DPP10: variants seen among roughly 807,000 people sequenced by gnomAD.
DPP10 encodes inactive dipeptidyl peptidase 10.
DPP10 carries 33 observed loss-of-function variants against 120.9 expected under a neutral mutation model. The observed-to-expected ratio is 0.27, with a 90% confidence interval of 0.21 to 0.37. DPP10 has a LOEUF of 0.37. Ranked by LOEUF, DPP10 falls within the 10% of genes least tolerant of loss-of-function variation. The probability of loss-of-function intolerance (pLI) is 1.00; values close to 1 mark genes in which losing one functional copy is unlikely to be tolerated. For synonymous variants in DPP10, 337 were observed against 326.1 expected (o/e 1.03, Z -0.36); for missense variants, 816 against 942.8 (o/e 0.87, Z 1.76).
intron 3 of DPP10, among the ~76,000 whole-genome samples, chr2:115,447,718 T>C (rs1466763443): frequency 1.3e-5 from 2 of 152,202 alleles, no homozygotes; most frequent in Non-Finnish European, 2.9e-5. Flanking sequence ...TCTTCTGCCA[T>C]GATTGTAAGT....
chr2:115,102,994 CTTG>C (rs956410321), intron 1 of DPP10, among the ~76,000 whole-genome samples: 1 of 152,020 alleles, frequency 6.6e-6, no homozygotes, highest in African/African-American at 2.4e-5. Context: ...TCCTATAGTT[CTTG>C]TTATGTTAGA....
At chr2:114,966,565 T>C (rs1699045911) in intron 1 of DPP10, among the ~76,000 whole-genome samples, 1 of 152,124 alleles carries the variant, frequency 6.6e-6, no homozygotes, top group Non-Finnish European at 1.5e-5. Flanking sequence ...TTTCCATCCA[T>C]TAGATTCATG....
At chr2:115,055,940 C>G (rs1342359600) in intron 1 of DPP10, among the ~76,000 whole-genome samples, 1 of 151,700 alleles carries the variant, frequency 6.6e-6, no homozygotes, top group Admixed American at 6.6e-5. Context: ...AATCATGCAG[C>G]ATGTAAAACA....
chr2:114,546,587 T>C (rs572751888), intron 1 of DPP10, among the ~76,000 whole-genome samples: 1 of 152,344 alleles, frequency 6.6e-6, no homozygotes, highest in Admixed American at 6.5e-5. Flanking sequence ...GAAATGTTTT[T>C]CTGGTCTGAA....
chr2:114,514,768 TG>T lies in DPP10; in HGVS notation c.60+71932del, dbSNP rs201270320. ...ATAACTGGGAAAGATCTTTTTTTTC[TG>T]GTTTTTTTTTTTGTTCCTTTTTTTT... On this transcript the variant is annotated intron_variant, in intron 1 of 25. Transcript: ENST00000410059. Among the ~76,000 whole-genome samples, 849 of 145,010 alleles carry T rather than the reference TG, an allele frequency of 5.9e-3. 6 individuals are homozygous for T. The highest frequency in any genetic ancestry group is 0.018 in the African/African-American group (718 of 39,180).
chr2:114,586,407 G>A (rs939366582), intron 1 of DPP10, among the ~76,000 whole-genome samples: 1 of 152,132 alleles, frequency 6.6e-6, no homozygotes, highest in Non-Finnish European at 1.5e-5. Context: ...CCTGCGTCAC[G>A]TCTTACTCAC....
intron 5 of DPP10, among the ~76,000 whole-genome samples, chr2:115,661,080 G>C (rs959325047): frequency 2.0e-5 from 3 of 151,922 alleles, no homozygotes; most frequent in Non-Finnish European, 4.4e-5. Flanking sequence ...CTCCCGAGTA[G>C]CTGGGATTAC....
intron 2 of DPP10, among the ~76,000 whole-genome samples, chr2:115,326,215 G>A (rs1004366208): frequency 6.6e-6 from 1 of 152,032 alleles, no homozygotes; most frequent in African/African-American, 2.4e-5. Context: ...GTCAATGACA[G>A]ACTTCATATA....
chr2:115,657,643 T>G (rs750423658), intron 5 of DPP10, among the ~76,000 whole-genome samples: 1 of 151,706 alleles, frequency 6.6e-6, no homozygotes, highest in South Asian at 2.1e-4. Context: ...TGTGAGTGTG[T>G]GTAGAAAAAA....
chr2:115,587,077 T>C (rs2082331448), intron 5 of DPP10, among the ~76,000 whole-genome samples: 1 of 145,866 alleles, frequency 6.9e-6, no homozygotes, highest in Admixed American at 7.2e-5. Flanking sequence ...TTCTTTTCTT[T>C]TTTTTCTCTT....
At chr2:115,733,342 G>A (rs2092955469) in intron 8 of DPP10, among the ~76,000 whole-genome samples, 1 of 152,156 alleles carries the variant, frequency 6.6e-6, no homozygotes, top group Admixed American at 6.5e-5. Flanking sequence ...CTATGGGGCT[G>A]CAGCATGGGA....
At chr2:114,898,386 A>G (rs1455379031) in intron 1 of DPP10, among the ~76,000 whole-genome samples, 1 of 152,152 alleles carries the variant, frequency 6.6e-6, no homozygotes, top group Non-Finnish European at 1.5e-5. Context: ...TTTAGGAGAT[A>G]TACCTAATGC....
In DPP10 at chr2:115,203,864, G is replaced by T. The variant is rs141635215; in HGVS notation, c.61-105375G>T. ...TTCAATCAAAATTCTTTCCCTCCAT[G>T]GAGAGGTTTCCCTAACAATAGACTT... On this transcript the variant is annotated intron_variant, in intron 1 of 25. Transcript: ENST00000410059. Among the ~76,000 whole-genome samples the T allele has an allele frequency of 8.6e-3, 1,312 of 152,102 alleles. 13 individuals are homozygous for T. Among genetic ancestry groups the T allele is most frequent in the Middle Eastern group, 0.027 (8 of 294 alleles).
At chr2:115,209,657 A>C (rs2056379262) in intron 1 of DPP10, among the ~76,000 whole-genome samples, 1 of 152,182 alleles carries the variant, frequency 6.6e-6, no homozygotes, top group Admixed American at 6.5e-5. Flanking sequence ...GCAGGCAAAC[A>C]AACCTCTGGG....
intron 21 of DPP10, among the ~76,000 whole-genome samples, chr2:115,816,457 C>G (rs975714614): frequency 2.6e-5 from 4 of 152,132 alleles, no homozygotes; most frequent in Non-Finnish European, 5.9e-5. Context: ...GGCTTAGAAA[C>G]TAGGAAATGA....
intron 1 of DPP10, among the ~76,000 whole-genome samples, chr2:114,810,736 G>T (rs867924105): frequency 7.2e-5 from 11 of 152,154 alleles, no homozygotes; most frequent in Admixed American, 5.2e-4. Flanking sequence ...TTGGGACTCT[G>T]CATGCAAAGT....
At chr2:115,410,436 C>T (rs138560495) in intron 3 of DPP10, among the ~76,000 whole-genome samples, 2 of 152,250 alleles carry the variant, frequency 1.3e-5, no homozygotes, top group African/African-American at 4.8e-5. Context: ...GATAAGAACA[C>T]ATGGACACAG....
chr2:115,106,416 C>G (rs1332335990), intron 1 of DPP10, among the ~76,000 whole-genome samples: 1 of 152,140 alleles, frequency 6.6e-6, no homozygotes, highest in African/African-American at 2.4e-5. Context: ...TAAACTAGGA[C>G]TGCATCAGAA....
intron 5 of DPP10, among the ~76,000 whole-genome samples, chr2:115,659,265 C>A (rs2088684520): frequency 6.6e-6 from 1 of 152,108 alleles, no homozygotes; most frequent in Non-Finnish European, 1.5e-5. Flanking sequence ...TTATAAATTA[C>A]CTAGTCTCAG....
Sources: allele counts gnomAD v4.1 joint callset (sites outside exome capture counted in the v4.1 genomes callset), GRCh38; gene constraint gnomAD v4.1.1; transcripts MANE v1.5; gene names NCBI Gene and HGNC (gene_info 2026-07-23, HGNC 2026-07-21).